CYB5R2: variants seen among roughly 807,000 people sequenced by gnomAD.
CYB5R2 encodes the protein cytochrome b5 reductase 2.
In CYB5R2, 35 loss-of-function variants were observed where a neutral mutation model predicts 29.8. The observed-to-expected ratio is 1.17, with a 90% CI of 0.90 to 1.56. The LOEUF (loss-of-function observed/expected upper bound fraction) is 1.56, where lower values mean the gene tolerates loss of function less well. CYB5R2 is among the 40% of genes most tolerant of loss of function. The pLI is 0.00. For missense variants in CYB5R2, 419 were observed against 346.7 expected (o/e 1.21, Z -1.66); for synonymous variants, 169 against 130.6 (o/e 1.29, Z -2.01).
chr11:7,672,641 C>CACAA (rs775225523), intron 2 of CYB5R2, 107 bp downstream of exon 2: 2 of 1,456,172 alleles, frequency 1.4e-6, no homozygotes, highest in African/African-American at 1.4e-5. Flanking sequence ...CACACACACA[C>CACAA]AGGGCGGCGG....
intron 5 of CYB5R2, chr11:7,668,863 C>T: frequency 1.7e-6 from 1 of 575,888 alleles, no homozygotes; most frequent in Non-Finnish European, 3.1e-6. Context: ...CGGAGGTGAA[C>T]CAGTGAGTAA....
In CYB5R2 at chr11:7,665,432, G is replaced by A. The variant is rs571324748; in HGVS notation, c.773C>T (p.Ala258Val). Residue 258 changes from alanine (A) to valine (V), a missense_variant, in exon 9 of 9, where the codon GCG (alanine) becomes GTG (valine). By Grantham distance (64) the Ala-to-Val change is moderately conservative. Transcript: ENST00000299498. ...CAGCTTCTCCAGGTTAGGGTGAGCC[G>A]CCGTCTGGATTAGTGGTGGCGGGCC... ...VCGPPPLIQT[A>V]AHPNLEKLGY... 1.5e-5 allele frequency: 24 copies of A among 1,612,294 alleles called. No individual in the cohort carries two copies. Among genetic ancestry groups the A allele is most frequent in the East Asian group, 6.7e-5 (3 of 44,856 alleles).
At chr11:7,671,488 C>G (rs899299131) in intron 3 of CYB5R2, 2 of 152,282 alleles carry the variant, frequency 1.3e-5, no homozygotes, top group Non-Finnish European at 2.9e-5. Context: ...GTTTTTCATT[C>G]TTTTAGGCTT....
chr11:7,669,531 A>G (rs1009493513), intron 4 of CYB5R2, 94 bp downstream of exon 4: 13 of 1,232,188 alleles, frequency 1.1e-5, no homozygotes, highest in Non-Finnish European at 1.5e-5. Flanking sequence ...CCTAGGGCAT[A>G]TGTGCCCTCA....
chr11:7,668,962 G>A (rs763557544), intron 5 of CYB5R2: 4 of 656,848 alleles, frequency 6.1e-6, no homozygotes, highest in Non-Finnish European at 1.1e-5. Flanking sequence ...CAGGCATTGT[G>A]CTGGAGATTT....
At chr11:7,673,982 C>T, upstream of CYB5R2, 1 of 1,126,822 alleles carries the variant, frequency 8.9e-7, no homozygotes, top group Non-Finnish European at 1.1e-6. Context: ...GCCCTGCCCC[C>T]AGGGCAGCGC....
At chr11:7,669,549 A>C in intron 4 of CYB5R2, 76 bp downstream of exon 4, 3 of 1,299,236 alleles carry the variant, frequency 2.3e-6, no homozygotes, top group Non-Finnish European at 3.2e-6. Context: ...TCAGAGAAAA[A>C]GCACTGCCCC....
chr11:7,667,486 A>C, intron 7 of CYB5R2: 1 of 398,890 alleles, frequency 2.5e-6, no homozygotes, highest in South Asian at 6.5e-5. Flanking sequence ...GTACATCTTA[A>C]GGAAAAAAGG....
In CYB5R2 at chr11:7,669,735, T is replaced by G; in HGVS notation, c.152-4A>C. 6.2e-7 allele frequency: 1 copy of G among 1,606,128 alleles called. No homozygotes were observed. The highest frequency in any genetic ancestry group is 8.5e-7 in the Non-Finnish European group (1 of 1,172,740). On this transcript the variant is annotated splice_region_variant and splice_polypyrimidine_tract_variant and intron_variant, in intron 3 of 8. Transcript: ENST00000299498. ...GCCAAGAGCTGGACATAGTTACCTA[T>G]AGAAAAGGCATCAAGCACTGAGTCA...
chr11:7,673,332 A>C, intron 1 of CYB5R2, 87 bp downstream of exon 1: 1 of 1,017,368 alleles, frequency 9.8e-7, no homozygotes, highest in African/African-American at 1.7e-5. Flanking sequence ...GGGCCTGGGG[A>C]CTCCCCAACA....
intron 7 of CYB5R2, chr11:7,666,851 T>C (rs1590865188): frequency 1.1e-5 from 3 of 270,446 alleles, no homozygotes; most frequent in African/African-American, 6.7e-5. Flanking sequence ...ATGGCTTCAC[T>C]CGGAGCTCCA....
rs547462672 is a variant in CYB5R2, at chr11:7,665,452, C to T, written c.753G>A (p.Pro251=). The part of the protein sequence containing the change: ...AKSTLILVCG[P]PPLIQTAAHP... ...GAGCCGCCGTCTGGATTAGTGGTGG[C>T]GGGCCACACACCAGGATGAGCGTGG... Residue 251 remains proline (P), a synonymous_variant, in exon 9 of 9, where the codon CCG becomes CCA. Coordinates refer to ENST00000299498, the MANE Select transcript of CYB5R2 (RefSeq NM_016229.5). 2.3e-5 allele frequency: 37 copies of T among 1,613,486 alleles called. No homozygotes were observed. The highest frequency in any genetic ancestry group is 8.3e-5 in the Admixed American group (5 of 59,928).
Position 7,670,835 on chromosome 11 carries a change from T to A in CYB5R2, c.152-1104A>T, listed in dbSNP as rs188834017. 9 of 152,358 alleles carry A rather than the reference T, an allele frequency of 5.9e-5. No homozygotes were observed. The East Asian group carries it at 1.7e-3, about 29-fold the overall frequency. The allele number at this position is 152,358 out of a possible 1,614,324, so 9.4% of individuals were successfully genotyped here. On this transcript the variant is annotated intron_variant, in intron 3 of 8. Transcript: ENST00000299498. ...AAGAGCTAGAGGCAAGAGAAAGTTT[T>A]GTAACCCTAACCCTTGACTAACTTC...
Position 7,669,747 on chromosome 11 carries a change from C to A in CYB5R2, c.152-16G>T, listed in dbSNP as rs117002162. On this transcript the variant is annotated splice_polypyrimidine_tract_variant and intron_variant, in intron 3 of 8. Coordinates refer to ENST00000299498, the MANE Select transcript of CYB5R2 (RefSeq NM_016229.5). ...ACATAGTTACCTATAGAAAAGGCAT[C>A]AAGCACTGAGTCAAAGCATATTTAG... 1 of 1,576,110 alleles carries A rather than the reference C, an allele frequency of 6.3e-7. No homozygotes were observed. The highest frequency in any genetic ancestry group is 1.3e-5 in the African/African-American group (1 of 74,172).
chr11:7,667,856 G>GAAGCCCAC (rs1565151445), intron 6 of CYB5R2, 43 bp from the exon 7 acceptor site: 1 of 1,507,458 alleles, frequency 6.6e-7, no homozygotes, highest in Admixed American at 1.7e-5. Context: ...CCCTGTCTCT[G>GAAGCCCAC]AAGCCCACAG....
chr11:7,666,313 T>G (rs1481465059), intron 8 of CYB5R2, 138 bp downstream of exon 8: 6 of 629,870 alleles, frequency 9.5e-6, no homozygotes, highest in Non-Finnish European at 1.7e-5. Context: ...ACATTTCCCA[T>G]CTGGAGCCAG....
chr11:7,672,799 G>T lies in CYB5R2; in HGVS notation c.27C>A (p.Ile9=), dbSNP rs113660947. The change falls in exon 2 of 9, where the codon ATC becomes ATA. Residue 9 remains isoleucine (I), a synonymous_variant. Transcript: ENST00000299498. MNSRRREP[I]TLQDPEAKYP... ...ACTTGGCTTCAGGGTCCTGTAAGGT[G>T]ATTGGCTCTCTCCTCCTGGAGTTCA... 7.4e-6 allele frequency: 12 copies of T among 1,614,194 alleles called. No homozygotes were observed. The African/African-American group carries it at 1.5e-4, about 20-fold the overall frequency.
chr11:7,673,365 G>GA, intron 1 of CYB5R2, 54 bp downstream of exon 1: 4 of 1,003,070 alleles, frequency 4.0e-6, no homozygotes, highest in Non-Finnish European at 4.8e-6. Context: ...GGGCGAAGGG[G>GA]GCCTGGGCAC....
chr11:7,665,722 G>A (rs1325634806), intron 8 of CYB5R2, 176 bp from the exon 9 acceptor site: 2 of 1,175,908 alleles, frequency 1.7e-6, no homozygotes, highest in East Asian at 2.6e-5. Context: ...ACAGCCCTCT[G>A]CAGCAATCAC....
Sources: gnomAD v4.1 joint callset for allele counts on GRCh38, gnomAD v4.1.1 for gene constraint, MANE v1.5 for transcripts, NCBI Gene and HGNC (gene_info 2026-07-23, HGNC 2026-07-21) for gene names.